The following GLIS3 variants were observed in gnomAD, a reference collection of about 807,000 sequenced individuals.
GLIS3 encodes zinc finger protein GLIS3.
In GLIS3, 53 loss-of-function variants were observed where a neutral mutation model predicts 78.6. That is an observed-to-expected ratio of 0.67 (90% CI 0.54 to 0.85). The LOEUF (loss-of-function observed/expected upper bound fraction) is 0.85. Among genes scored for constraint, GLIS3 ranks in the 40% least tolerant of loss-of-function variants. The probability of loss-of-function intolerance (pLI) is 0.00; values close to 1 mark genes in which losing one functional copy is unlikely to be tolerated. For missense variants in GLIS3, 1,703 were observed against 1,231.1 expected, an observed-to-expected ratio of 1.38 and a Z score of -5.74; for synonymous variants, 684 against 509.9, an observed-to-expected ratio of 1.34 and a Z score of -4.60.
chr9:4,451,273 G>C, the GLIS3 span, among the ~76,000 whole-genome samples: 6,912 of 152,292 alleles, frequency 0.045, 228 homozygotes, highest in Non-Finnish European at 0.07. Flanking sequence ...TGATGGTAAA[G>C]GGATCAATTC....
intron 2 of GLIS3, among the ~76,000 whole-genome samples, chr9:4,165,798 T>G (rs1038709136): frequency 6.6e-6 from 1 of 152,194 alleles, no homozygotes; most frequent in East Asian, 1.9e-4. Context: ...AACAATAAGA[T>G]AGTCTTCAAT....
intron 4 of GLIS3, among the ~76,000 whole-genome samples, chr9:3,960,931 T>C (rs1010631648): frequency 6.6e-6 from 1 of 152,204 alleles, no homozygotes; most frequent in African/African-American, 2.4e-5. Flanking sequence ...GCTAAAGAAG[T>C]GGATGGCAAC....
chr9:3,913,113 C>T (rs1824260003), intron 6 of GLIS3, among the ~76,000 whole-genome samples: 1 of 152,138 alleles, frequency 6.6e-6, no homozygotes, highest in South Asian at 2.1e-4. Context: ...ACAGCCCCTG[C>T]CTATGTTACA....
chr9:4,423,806 T>C, the GLIS3 span, among the ~76,000 whole-genome samples: 3 of 152,306 alleles, frequency 2.0e-5, no homozygotes, highest in African/African-American at 7.2e-5. Context: ...TTATTCTTGT[T>C]CATAACATTC....
chr9:4,045,502 AT>A (rs71497514), intron 4 of GLIS3, among the ~76,000 whole-genome samples: 17,863 of 141,990 alleles, frequency 0.13, 1,405 homozygotes, highest in African/African-American at 0.25. Context: ...CACCTGGCTA[AT>A]TTTTTTTTTT....
chr9:4,024,093 GTGC>G (rs1448138632), intron 4 of GLIS3, among the ~76,000 whole-genome samples: 2 of 151,984 alleles, frequency 1.3e-5, no homozygotes, highest in African/African-American at 4.8e-5. Context: ...GAGTTGTATA[GTGC>G]TGCTTAGTCC....
chr9:3,844,336 T>C (rs1378720163), intron 9 of GLIS3, among the ~76,000 whole-genome samples: 1 of 152,184 alleles, frequency 6.6e-6, no homozygotes, highest in Non-Finnish European at 1.5e-5. Context: ...ATATAAGAAA[T>C]ATAAGACATA....
At chr9:4,199,566 C>T (rs1819176324) in intron 2 of GLIS3, among the ~76,000 whole-genome samples, 1 of 149,116 alleles carries the variant, frequency 6.7e-6, no homozygotes, top group Non-Finnish European at 1.5e-5. Context: ...AAAGGTAATA[C>T]ATAAAAAAAA....
intron 8 of GLIS3, among the ~76,000 whole-genome samples, chr9:3,862,908 G>C (rs1401451217): frequency 4.2e-5 from 2 of 47,160 alleles, no homozygotes; most frequent in Admixed American, 1.6e-4. Context: ...CGATGGATTT[G>C]GGGAGGTATT....
rs981896595 is a variant in GLIS3, at chr9:4,312,864, T to A, written n.265-2336A>T. Among the ~76,000 whole-genome samples, 15 of 152,174 alleles carry A rather than the reference T, an allele frequency of 9.9e-5. 1 individual carries two copies. The highest frequency in any genetic ancestry group is 8.5e-4 in the Admixed American group (13 of 15,284). On this transcript the variant is annotated intron_variant and non_coding_transcript_variant, in intron 2 of 4. Coordinates refer to the GLIS3 transcript ENST00000471664. ...AAGCTAACATTTTTCAGGTGCTTACTCAGGCCAGGCATGTTACATATATTA... is the reference window on the plus strand; with the variant it reads ...AAGCTAACATTTTTCAGGTGCTTACACAGGCCAGGCATGTTACATATATTA...
At chr9:4,407,554 G>A in the GLIS3 span, among the ~76,000 whole-genome samples, 1 of 152,238 alleles carries the variant, frequency 6.6e-6, no homozygotes, top group Non-Finnish European at 1.5e-5. Flanking sequence ...GGCTGAGGCA[G>A]GAGAATGGCG....
intron 4 of GLIS3, among the ~76,000 whole-genome samples, chr9:4,117,489 G>T (rs1168053150): frequency 6.6e-6 from 1 of 152,168 alleles, no homozygotes; most frequent in African/African-American, 2.4e-5. Context: ...TTCAAAGTTG[G>T]TACCTGGCTG....
intron 4 of GLIS3, among the ~76,000 whole-genome samples, chr9:3,997,550 C>T (rs1003599411): frequency 6.6e-6 from 1 of 151,888 alleles, no homozygotes; most frequent in Non-Finnish European, 1.5e-5. Context: ...CAAATTAACT[C>T]ATTCAATATA....
chr9:4,152,663 T>C (rs1834769200), intron 2 of GLIS3, among the ~76,000 whole-genome samples: 2 of 152,144 alleles, frequency 1.3e-5, no homozygotes, highest in Admixed American at 6.5e-5. Flanking sequence ...TTTCTACCTA[T>C]AAAATTCAAC....
At chr9:4,253,629 C>G (rs1438224146) in intron 2 of GLIS3, among the ~76,000 whole-genome samples, 1 of 152,188 alleles carries the variant, frequency 6.6e-6, no homozygotes, top group Non-Finnish European at 1.5e-5. Flanking sequence ...TTCTGTCTCG[C>G]TAGCGTTCCA....
chr9:4,225,772 A>C (rs1292315328), intron 2 of GLIS3, among the ~76,000 whole-genome samples: 3 of 152,196 alleles, frequency 2.0e-5, no homozygotes, highest in African/African-American at 7.2e-5. Context: ...TGAACTCTTG[A>C]GACCTTGAAT....
At chr9:4,483,969 GA>G in the GLIS3 span, among the ~76,000 whole-genome samples, 1 of 152,184 alleles carries the variant, frequency 6.6e-6, no homozygotes, top group Non-Finnish European at 1.5e-5. Flanking sequence ...AGGACCAAGT[GA>G]ATTAGTTTGG....
intron 2 of GLIS3, among the ~76,000 whole-genome samples, chr9:4,282,003 A>G (rs1827601099): frequency 6.6e-6 from 1 of 152,192 alleles, no homozygotes; most frequent in African/African-American, 2.4e-5. Context: ...TTTTCAACTG[A>G]GCAGAACTCA....
intron 4 of GLIS3, among the ~76,000 whole-genome samples, chr9:4,098,055 T>C (rs1040610459): frequency 6.6e-6 from 1 of 152,186 alleles, no homozygotes; most frequent in African/African-American, 2.4e-5. Context: ...GAAAGGCACA[T>C]AGAGTCTTCC....
Sources: allele counts gnomAD v4.1 joint callset (sites outside exome capture counted in the v4.1 genomes callset), GRCh38; gene constraint gnomAD v4.1.1; transcripts MANE v1.5; gene names NCBI Gene and HGNC (gene_info 2026-07-23, HGNC 2026-07-21).